CNTN6: variants seen among roughly 807,000 people sequenced by gnomAD.
The protein encoded by CNTN6 is contactin-6.
A neutral mutation model predicts 122.8 loss-of-function variants in CNTN6; 137 were observed. The observed-to-expected ratio is 1.12, with a 90% CI of 0.97 to 1.29. The LOEUF is 1.29. Ranked by LOEUF, CNTN6 falls within the 50% of genes most tolerant of loss-of-function variation. CNTN6 has a pLI of 0.00. For missense variants in CNTN6, 1,634 were observed against 1,223.4 expected (o/e 1.34, Z -5.01); for synonymous variants, 570 against 426.0 (o/e 1.34, Z -4.16).
At chr3:1,130,793 A>G (rs574967966) in intron 1 of CNTN6, among the ~76,000 whole-genome samples, 1 of 152,216 alleles carries the variant, frequency 6.6e-6, no homozygotes, top group Admixed American at 6.6e-5. Context: ...CAGACAAGAA[A>G]GCTTCTGCCT....
intron 4 of CNTN6, among the ~76,000 whole-genome samples, chr3:1,256,987 T>A (rs1282844348): frequency 6.6e-6 from 1 of 152,182 alleles, no homozygotes; most frequent in African/African-American, 2.4e-5. Flanking sequence ...TTATGCCAAA[T>A]GATACTTTCA....
chr3:1,357,294 A>G (rs968240404), intron 12 of CNTN6, among the ~76,000 whole-genome samples: 2 of 152,064 alleles, frequency 1.3e-5, no homozygotes, highest in Non-Finnish European at 2.9e-5. Context: ...AACTCTTACT[A>G]AAGTGGTCAA....
At chr3:1,396,622 G>C (rs1477214569) in intron 20 of CNTN6, among the ~76,000 whole-genome samples, 3 of 152,230 alleles carry the variant, frequency 2.0e-5, no homozygotes, top group Admixed American at 6.5e-5. Context: ...TCAAGGCTCA[G>C]TGCCTGGTAA....
At chr3:1,100,529 C>T (rs951121345) in intron 1 of CNTN6, among the ~76,000 whole-genome samples, 2 of 152,100 alleles carry the variant, frequency 1.3e-5, no homozygotes, top group African/African-American at 4.8e-5. Context: ...CTGCAAGCTC[C>T]TAAATCTTTC....
At chr3:1,390,262 A>T (rs1693914325) in intron 20 of CNTN6, among the ~76,000 whole-genome samples, 1 of 152,086 alleles carries the variant, frequency 6.6e-6, no homozygotes. Flanking sequence ...AATCTCACTC[A>T]AAACCGCTCA....
At chr3:1,312,268 C>T (rs891338994) in intron 7 of CNTN6, among the ~76,000 whole-genome samples, 3 of 151,462 alleles carry the variant, frequency 2.0e-5, no homozygotes, top group Admixed American at 6.6e-5. Context: ...TGTTACAGTG[C>T]TGTTTCTAAA....
intron 12 of CNTN6, among the ~76,000 whole-genome samples, chr3:1,370,875 A>C (rs1708916088): frequency 6.6e-6 from 1 of 152,110 alleles, no homozygotes; most frequent in East Asian, 1.9e-4. Flanking sequence ...AAGTAAAAAA[A>C]AGTACATGCA....
intron 4 of CNTN6, among the ~76,000 whole-genome samples, chr3:1,251,887 G>C (rs557951663): frequency 6.6e-6 from 1 of 152,068 alleles, no homozygotes; most frequent in Non-Finnish European, 1.5e-5. Context: ...ATTCAGGTCT[G>C]ACTCATTGCC....
In CNTN6 at chr3:1,373,939, A is replaced by G. The variant is rs776329974; in HGVS notation, c.1961A>G (p.Asn654Ser). ...TTCTTTTTAGTTCCAGAAATTCTCA[A>G]TGGTAAGACATACAATGCAACAGTG... is the stretch of plus-strand genomic sequence containing the variant. ...QAVATVPEIL[N>S]GKTYNATVVG... Residue 654 changes from asparagine to serine, a missense_variant, in exon 16 of 23, where the codon AAT becomes AGT. Transcript: ENST00000446702. 15 of 1,610,026 alleles carry G rather than the reference A, an allele frequency of 9.3e-6. No individual in the cohort carries two copies. The East Asian group carries it at 1.1e-4, about 12-fold the overall frequency.
At chr3:1,114,195 A>G (rs2091610011) in intron 1 of CNTN6, among the ~76,000 whole-genome samples, 1 of 152,184 alleles carries the variant, frequency 6.6e-6, no homozygotes, top group South Asian at 2.1e-4. Flanking sequence ...TTGAAATAAG[A>G]TAAAAGAAAG....
intron 2 of CNTN6, among the ~76,000 whole-genome samples, chr3:1,203,022 CATG>C (rs1356882264): frequency 2.6e-5 from 4 of 152,178 alleles, no homozygotes; most frequent in African/African-American, 7.2e-5. Context: ...CCACTCTCAA[CATG>C]ATAAGGAGCA....
chr3:1,140,531 T>C (rs957958459), intron 1 of CNTN6, among the ~76,000 whole-genome samples: 2 of 152,194 alleles, frequency 1.3e-5, no homozygotes, highest in African/African-American at 4.8e-5. Context: ...ACTTCTATTA[T>C]CTATATAGTT....
chr3:1,099,318 G>A (rs1021667041), intron 1 of CNTN6, among the ~76,000 whole-genome samples: 27 of 151,520 alleles, frequency 1.8e-4, no homozygotes, highest in Non-Finnish European at 3.4e-4. Context: ...GGGTGTGGTG[G>A]CGGGCGCCTG....
At chr3:1,268,177 G>A (rs1016959169) in intron 4 of CNTN6, among the ~76,000 whole-genome samples, 2 of 152,228 alleles carry the variant, frequency 1.3e-5, no homozygotes, top group African/African-American at 4.8e-5. Context: ...GGCAGCCTAG[G>A]ATTTTTCTGG....
At chr3:1,396,596 C>A (rs1695016242) in intron 20 of CNTN6, among the ~76,000 whole-genome samples, 1 of 152,304 alleles carries the variant, frequency 6.6e-6, no homozygotes, top group South Asian at 2.1e-4. Context: ...CAAGGTGACC[C>A]AGAGGCTGTC....
chr3:1,376,830 C>T (rs548121962), intron 16 of CNTN6, among the ~76,000 whole-genome samples, 175 bp from the exon 17 acceptor site: 1 of 152,222 alleles, frequency 6.6e-6, no homozygotes, highest in African/African-American at 2.4e-5. Flanking sequence ...CAACTGTGTC[C>T]TCTCTCTTAG....
chr3:1,321,262 A>C (rs924648425), intron 7 of CNTN6, among the ~76,000 whole-genome samples: 1 of 151,786 alleles, frequency 6.6e-6, no homozygotes, highest in Non-Finnish European at 1.5e-5. Flanking sequence ...ACTATAATAA[A>C]TTGACATAAT....
chr3:1,101,825 T>A (rs1190306077), intron 1 of CNTN6, among the ~76,000 whole-genome samples: 1 of 152,220 alleles, frequency 6.6e-6, no homozygotes, highest in East Asian at 1.9e-4. Flanking sequence ...TTATATATTC[T>A]TTGGGAGTGG....
intron 11 of CNTN6, 75 bp downstream of exon 11, chr3:1,330,010 C>A: frequency 1.7e-6 from 2 of 1,160,918 alleles, no homozygotes; most frequent in Non-Finnish European, 2.3e-6. Flanking sequence ...TTTTAGTAGG[C>A]CTTTCAAAAT....
Sources: allele counts gnomAD v4.1 joint callset (sites outside exome capture counted in the v4.1 genomes callset), GRCh38; gene constraint gnomAD v4.1.1; transcripts MANE v1.5; gene names NCBI Gene and HGNC (gene_info 2026-07-23, HGNC 2026-07-21).